SNX29: variants seen among roughly 807,000 people sequenced by gnomAD.
SNX29 encodes sorting nexin 29, also known as sorting nexin-29.
In SNX29, 78 loss-of-function variants were observed where a neutral mutation model predicts 102.1. The observed-to-expected ratio is 0.76, with a 90% confidence interval of 0.64 to 0.92. SNX29 has a LOEUF of 0.92. Among genes scored for constraint, SNX29 ranks in the 40% least tolerant of loss-of-function variants. SNX29 has a pLI of 0.00. For missense variants in SNX29, 1,280 were observed against 1,061.7 expected, an observed-to-expected ratio of 1.21 and a Z score of -2.86; for synonymous variants, 580 against 414.5, an observed-to-expected ratio of 1.40 and a Z score of -4.85.
chr16:12,295,958 TC>T (rs1856675441), intron 15 of SNX29, among the ~76,000 whole-genome samples: 1 of 152,244 alleles, frequency 6.6e-6, no homozygotes. Context: ...AAACAGTTCT[TC>T]TCCTCAAAAT....
chr16:12,502,199 C>G (rs1242681344), intron 19 of SNX29, among the ~76,000 whole-genome samples: 2 of 152,192 alleles, frequency 1.3e-5, no homozygotes, highest in African/African-American at 4.8e-5. Context: ...GGGCATTTAC[C>G]TCCTTTGGGA....
At chr16:12,380,383 C>CCCACCCACCCCTCATCCAT (rs1237496653) in intron 16 of SNX29, among the ~76,000 whole-genome samples, 1 of 85,928 alleles carries the variant, frequency 1.2e-5, no homozygotes, top group Non-Finnish European at 2.4e-5. Flanking sequence ...TATCCACCCA[C>CCCACCCACCCCTCATCCAT]CCACCCACCC....
intron 20 of SNX29, among the ~76,000 whole-genome samples, chr16:12,567,826 T>G (rs2079075435): frequency 6.6e-6 from 1 of 152,150 alleles, no homozygotes; most frequent in South Asian, 2.1e-4. Context: ...CCCTCTGCTC[T>G]CACGGTGAAG....
intron 18 of SNX29, among the ~76,000 whole-genome samples, chr16:12,445,885 G>T (rs1038134725): frequency 1.3e-5 from 2 of 152,164 alleles, no homozygotes; most frequent in African/African-American, 4.8e-5. Flanking sequence ...TCGAACACCT[G>T]AGAGGCTAAG....
intron 20 of SNX29, among the ~76,000 whole-genome samples, chr16:12,553,822 G>A (rs968059683): frequency 6.6e-6 from 1 of 151,918 alleles, no homozygotes; most frequent in East Asian, 1.9e-4. Flanking sequence ...TCCTGACCTT[G>A]TGATCCACCC....
intron 18 of SNX29, among the ~76,000 whole-genome samples, chr16:12,441,385 G>T (rs1399828272): frequency 1.3e-5 from 2 of 152,048 alleles, no homozygotes; most frequent in African/African-American, 4.8e-5. Flanking sequence ...ACCACGCCTG[G>T]CCTACTTCAT....
At chr16:11,995,029 A>T (rs1157145841) in intron 1 of SNX29, among the ~76,000 whole-genome samples, 1 of 152,048 alleles carries the variant, frequency 6.6e-6, no homozygotes, top group Non-Finnish European at 1.5e-5. Context: ...TGGTCCTGAG[A>T]CCACCTGTGC....
chr16:12,570,277 G>A lies in SNX29; in HGVS notation c.*1648G>A. Reference sequence around the variant, plus strand: ...GAGCATGTATGGAGGTGCGGACCCTGCAGTCAGTTTGCGAGTGTGGAGGAC... The same window carrying A: ...GAGCATGTATGGAGGTGCGGACCCTACAGTCAGTTTGCGAGTGTGGAGGAC... On this transcript the variant is annotated 3_prime_UTR_variant, in exon 21 of 21. Transcript: ENST00000566228. The A allele has an allele frequency of 2.8e-6, 3 of 1,064,550 alleles. No individual in the cohort carries two copies. Among genetic ancestry groups the A allele is most frequent in the Non-Finnish European group, 3.4e-6 (3 of 878,702 alleles). The allele number at this position is 1,064,550 out of a possible 1,614,324, so 65.9% of individuals were successfully genotyped here.
chr16:12,306,111 C>G (rs1358862450), intron 15 of SNX29, among the ~76,000 whole-genome samples: 1 of 151,968 alleles, frequency 6.6e-6, no homozygotes, highest in African/African-American at 2.4e-5. Context: ...ATGAGGGGCC[C>G]TCTCCTCTGA....
intron 20 of SNX29, among the ~76,000 whole-genome samples, chr16:12,563,192 G>T (rs545739190): frequency 2.6e-5 from 2 of 77,934 alleles, no homozygotes; most frequent in African/African-American, 1.3e-4. Flanking sequence ...ACTTCCCACA[G>T]TCAACATGCT....
chr16:12,060,200 T>C (rs2050714410), intron 8 of SNX29, among the ~76,000 whole-genome samples: 1 of 152,160 alleles, frequency 6.6e-6, no homozygotes, highest in East Asian at 1.9e-4. Context: ...ACTATTTACA[T>C]AGCATTTGGA....
At chr16:12,394,579 C>T (rs1044362869) in intron 16 of SNX29, among the ~76,000 whole-genome samples, 1 of 152,114 alleles carries the variant, frequency 6.6e-6, no homozygotes, top group African/African-American at 2.4e-5. Flanking sequence ...CATGTGGTGT[C>T]GACCAGGGCT....
intron 20 of SNX29, among the ~76,000 whole-genome samples, chr16:12,567,766 A>C (rs2079072515): frequency 6.6e-6 from 1 of 152,172 alleles, no homozygotes; most frequent in Non-Finnish European, 1.5e-5. Flanking sequence ...GTCTCCAGAA[A>C]ATACAATTTT....
chr16:12,310,646 C>T (rs1184286688), intron 15 of SNX29, among the ~76,000 whole-genome samples: 1 of 152,150 alleles, frequency 6.6e-6, no homozygotes, highest in Non-Finnish European at 1.5e-5. Flanking sequence ...GGGAGGGTGG[C>T]ATTACCAGGA....
chr16:12,233,746 A>G (rs1220886139), intron 14 of SNX29, among the ~76,000 whole-genome samples: 2 of 151,846 alleles, frequency 1.3e-5, no homozygotes, highest in Non-Finnish European at 2.9e-5. Flanking sequence ...AAAGAAGCCC[A>G]TTTTCCTGAG....
At chr16:12,366,257 G>C (rs1201294986) in intron 16 of SNX29, among the ~76,000 whole-genome samples, 2 of 152,118 alleles carry the variant, frequency 1.3e-5, no homozygotes, top group South Asian at 2.1e-4. Flanking sequence ...AAAGGGATGG[G>C]CTAGGTACAG....
chr16:12,399,930 G>T (rs1405988821), intron 17 of SNX29, among the ~76,000 whole-genome samples: 1 of 152,124 alleles, frequency 6.6e-6, no homozygotes, highest in East Asian at 1.9e-4. Flanking sequence ...AGCCACAGAG[G>T]GGAGTCCCAG....
At chr16:12,333,446 T>C (rs2081354956) in intron 15 of SNX29, among the ~76,000 whole-genome samples, 2 of 151,976 alleles carry the variant, frequency 1.3e-5, no homozygotes, top group South Asian at 4.2e-4. Context: ...GTTGGTAGAG[T>C]TTTCCCTGTT....
At chr16:12,018,013 C>T (rs1251622852) in intron 3 of SNX29, among the ~76,000 whole-genome samples, 1 of 152,130 alleles carries the variant, frequency 6.6e-6, no homozygotes, top group Non-Finnish European at 1.5e-5. Context: ...TCAAGTGATT[C>T]TCCTGCCTCA....
Sources: gnomAD v4.1 joint callset for allele counts (sites outside exome capture counted in the v4.1 genomes callset) on GRCh38, gnomAD v4.1.1 for gene constraint, MANE v1.5 for transcripts, NCBI Gene and HGNC (gene_info 2026-07-23, HGNC 2026-07-21) for gene names.